Variants in CRYL1 observed in about 807,000 individuals in gnomAD.
The protein encoded by CRYL1 is lambda-crystallin homolog.
A neutral mutation model predicts 36.6 loss-of-function variants in CRYL1; 29 were observed. The observed-to-expected ratio is 0.79, with a 90% CI of 0.59 to 1.08. The LOEUF is 1.08. Ranked by LOEUF, CRYL1 falls within the 50% of genes least tolerant of loss-of-function variation. The pLI is 0.00. For synonymous variants in CRYL1, 152 were observed against 151.5 expected (o/e 1.00, Z -0.02); for missense variants, 411 against 407.9 (o/e 1.01, Z -0.06).
Position 20,507,657 on chromosome 13 carries a change from A to G in CRYL1, c.149+4786T>C, listed in dbSNP as rs549091891. Among the ~76,000 whole-genome samples, 461 of 152,324 alleles carry G rather than the reference A, an allele frequency of 3.0e-3. 2 individuals are homozygous for G. Among genetic ancestry groups the G allele is most frequent in the African/African-American group, 5.5e-3 (230 of 41,574 alleles). ...GCCCAGGCTGGGCACAGTGGCTCAC[A>G]CCTGTAATCCCAGCACTTTGGGAGG... On this transcript the variant is annotated intron_variant, in intron 2 of 7. Coordinates refer to ENST00000298248, the MANE Select transcript of CRYL1 (RefSeq NM_015974.3).
intron 3 of CRYL1, among the ~76,000 whole-genome samples, chr13:20,453,221 TAAAAG>T (rs1272298635): frequency 6.6e-6 from 1 of 152,086 alleles, no homozygotes; most frequent in Non-Finnish European, 1.5e-5. Flanking sequence ...AAACAAAACT[TAAAAG>T]AATAGAAATC....
At chr13:20,482,570 T>C (rs1006773134) in intron 3 of CRYL1, among the ~76,000 whole-genome samples, 1 of 152,250 alleles carries the variant, frequency 6.6e-6, no homozygotes, top group African/African-American at 2.4e-5. Flanking sequence ...TGCTCCCGGA[T>C]TTCAGCAGAG....
At chr13:20,507,772 G>T (rs559677758) in intron 2 of CRYL1, among the ~76,000 whole-genome samples, 7 of 152,040 alleles carry the variant, frequency 4.6e-5, no homozygotes, top group East Asian at 3.9e-4. Context: ...TAAAAAATTA[G>T]CTGGGCGTGG....
intron 2 of CRYL1, among the ~76,000 whole-genome samples, chr13:20,512,025 C>T (rs567362843): frequency 6.6e-6 from 1 of 152,354 alleles, no homozygotes; most frequent in African/African-American, 2.4e-5. Context: ...TGGGTCCTAC[C>T]ATTACTAGAT....
At position 20,432,232 on chromosome 13, in the gene CRYL1, G is replaced by C; in HGVS notation, c.503C>G (p.Thr168Arg). The change falls in exon 5 of 8, where the codon ACA becomes AGA. Residue 168 changes from threonine (T) to arginine (R), a missense_variant. Physicochemically the swap from Thr to Arg is moderately conservative, Grantham distance 71. Coordinates refer to ENST00000298248, the MANE Select transcript of CRYL1 (RefSeq NM_015974.3). The part of the protein sequence containing the change: ...LVPHPETAPT[T>R]VDRTHALMKK... ...CATCAGGGCGTGGGTTCTGTCCACT[G>C]TCGTAGGGGCCGTCTCCGGGTGGGG... The C allele has an allele frequency of 6.2e-7, 1 of 1,613,898 alleles. No homozygotes were observed. The highest frequency in any genetic ancestry group is 8.5e-7 in the Non-Finnish European group (1 of 1,179,974).
intron 2 of CRYL1, among the ~76,000 whole-genome samples, chr13:20,505,359 CAAAAAAAAAAA>C (rs61380702): frequency 1.1e-5 from 1 of 91,222 alleles, no homozygotes; most frequent in African/African-American, 3.7e-5. Flanking sequence ...TCTATCCCAC[CAAAAAAAAAAA>C]AAAAAAAAAA....
At chr13:20,434,425 C>A (rs1024106100) in intron 4 of CRYL1, among the ~76,000 whole-genome samples, 1 of 152,110 alleles carries the variant, frequency 6.6e-6, no homozygotes, top group African/African-American at 2.4e-5. Flanking sequence ...CTGCAAAACG[C>A]ACCAATCAGC....
chr13:20,500,512 T>C (rs564679124), intron 2 of CRYL1, among the ~76,000 whole-genome samples: 4 of 152,226 alleles, frequency 2.6e-5, no homozygotes, highest in Non-Finnish European at 5.9e-5. Flanking sequence ...ATGAGAACAG[T>C]GATTCTTGTT....
At chr13:20,514,912 CA>C (rs34317918) in intron 1 of CRYL1, among the ~76,000 whole-genome samples, 11,130 of 151,758 alleles carry the variant, frequency 0.073, 702 homozygotes, top group East Asian at 0.34. Flanking sequence ...AACATGTCCA[CA>C]AAAAAACTTG....
chr13:20,509,424 C>T (rs1303418654), intron 2 of CRYL1, among the ~76,000 whole-genome samples: 1 of 152,064 alleles, frequency 6.6e-6, no homozygotes, highest in Non-Finnish European at 1.5e-5. Flanking sequence ...TGAAGGGCCT[C>T]TCTTTTCAAA....
At chr13:20,473,586 C>A (rs547093965) in intron 3 of CRYL1, among the ~76,000 whole-genome samples, 23 of 152,312 alleles carry the variant, frequency 1.5e-4, no homozygotes, top group South Asian at 4.1e-4. Flanking sequence ...AGGTGTCTGT[C>A]TGGGGCTTCA....
chr13:20,405,553 G>A (rs1486655315), intron 6 of CRYL1, among the ~76,000 whole-genome samples: 5 of 152,208 alleles, frequency 3.3e-5, no homozygotes, highest in Non-Finnish European at 7.3e-5. Context: ...ATTGGGTACG[G>A]TCAAGGCTGC....
At chr13:20,426,582 G>T in intron 5 of CRYL1, 1 of 561,652 alleles carries the variant, frequency 1.8e-6, no homozygotes, top group Non-Finnish European at 2.3e-6. Context: ...GAAGGAGTCA[G>T]AAACAAGAGA....
chr13:20,422,576 A>G (rs117988203), intron 5 of CRYL1, among the ~76,000 whole-genome samples: 6,330 of 152,274 alleles, frequency 0.042, 155 homozygotes, highest in Non-Finnish European at 0.062. Context: ...GGGAAAGCTG[A>G]GCTGGACTTG....
In CRYL1 at chr13:20,435,684, G is replaced by C. The variant is rs778635390; in HGVS notation, c.439-3388C>G. 3.3e-5 allele frequency among the ~76,000 whole-genome samples: 5 copies of C among 152,142 alleles called. No individual in the cohort carries two copies. Among genetic ancestry groups the C allele is most frequent in the Admixed American group, 6.5e-5 (1 of 15,286 alleles). ...CCCGAAAGGGTTCGACAGATACAAC[G>C]GCAGCGCAGCGCAGGGGCCTGGGCC... On this transcript the variant is annotated intron_variant, in intron 4 of 7. Coordinates refer to ENST00000298248, the MANE Select transcript of CRYL1 (RefSeq NM_015974.3). This position sits in a 1 kb window ranked among gnomAD's most constrained non-coding sequence, Gnocchi z 4.0.
intron 3 of CRYL1, among the ~76,000 whole-genome samples, chr13:20,460,990 C>T (rs182493823): frequency 1.3e-5 from 2 of 152,248 alleles, no homozygotes; most frequent in Non-Finnish European, 1.5e-5. Flanking sequence ...CTGGGCCTCA[C>T]GGTGGGGATC....
chr13:20,453,646 A>G (rs1184425147), intron 3 of CRYL1, among the ~76,000 whole-genome samples: 2 of 152,116 alleles, frequency 1.3e-5, no homozygotes, highest in African/African-American at 4.8e-5. Context: ...AGAAAACAAT[A>G]AAAGTAAAAG....
At chr13:20,478,714 C>T (rs746010689) in intron 3 of CRYL1, among the ~76,000 whole-genome samples, 26 of 152,014 alleles carry the variant, frequency 1.7e-4, no homozygotes, top group Non-Finnish European at 3.1e-4. Context: ...TGAGCTCAAG[C>T]AATCTACCCG....
At chr13:20,408,506 T>C (rs2031437030) in intron 6 of CRYL1, among the ~76,000 whole-genome samples, 1 of 152,208 alleles carries the variant, frequency 6.6e-6, no homozygotes, top group African/African-American at 2.4e-5. Context: ...TTTCTCTCTC[T>C]ACTGACCTGC....
Sources: gnomAD v4.1 joint callset for allele counts (sites outside exome capture counted in the v4.1 genomes callset) on GRCh38, gnomAD v4.1.1 for gene constraint, Gnocchi (gnomAD v3.1) non-coding constraint, MANE v1.5 for transcripts, NCBI Gene and HGNC (gene_info 2026-07-23, HGNC 2026-07-21) for gene names.